The following CCND3 variants were observed in gnomAD, a reference collection of about 807,000 sequenced individuals.
CCND3 encodes the protein G1/S-specific cyclin-D3.
In CCND3, 9 loss-of-function variants were observed where a neutral mutation model predicts 28.7. The observed-to-expected ratio is 0.31, with a 90% confidence interval of 0.19 to 0.55. The LOEUF (loss-of-function observed/expected upper bound fraction) is 0.55, where lower values mean the gene tolerates loss of function less well. CCND3 is among the 20% of genes least tolerant of loss of function. The probability of loss-of-function intolerance (pLI) is 0.93; values close to 1 mark genes in which losing one functional copy is unlikely to be tolerated. For missense variants in CCND3, 315 were observed against 385.8 expected, an observed-to-expected ratio of 0.82 and a Z score of 1.54; for synonymous variants, 164 against 163.9, an observed-to-expected ratio of 1.00 and a Z score of 0.00.
At chr6:41,988,921 G>T (rs13209554) in intron 1 of CCND3, among the ~76,000 whole-genome samples, 26,383 of 150,696 alleles carry the variant, frequency 0.18, 2,534 homozygotes, top group South Asian at 0.22. Context: ...GGATGGTCTC[G>T]ATCTCCTGAC....
chr6:42,010,424 G>C (rs1763308669), intron 1 of CCND3, among the ~76,000 whole-genome samples: 1 of 152,158 alleles, frequency 6.6e-6, no homozygotes, highest in Non-Finnish European at 1.5e-5. Flanking sequence ...GCTGGGTTGG[G>C]GGAGGGAGTT....
At chr6:41,960,407 A>C (rs1478901715) in intron 1 of CCND3, among the ~76,000 whole-genome samples, 3 of 152,238 alleles carry the variant, frequency 2.0e-5, no homozygotes, top group African/African-American at 7.2e-5. Flanking sequence ...ATAACTCAAT[A>C]AAACTTTTTT....
intron 1 of CCND3, among the ~76,000 whole-genome samples, chr6:42,007,266 G>A (rs4714546): frequency 0.98 from 149,876 of 152,330 alleles, 73,776 homozygotes; most frequent in East Asian, 1. Context: ...CTGTGTTTTT[G>A]AAAATGGTTA....
chr6:42,018,530 TA>T (rs1304904120), intron 1 of CCND3: 1 of 152,166 alleles, frequency 6.6e-6, no homozygotes, highest in Admixed American at 6.6e-5. Context: ...AGGCCATTTT[TA>T]TTTAACTTGA....
chr6:42,031,155 G>T (rs996358614), intron 1 of CCND3: 1 of 152,132 alleles, frequency 6.6e-6, no homozygotes, highest in Non-Finnish European at 1.5e-5. Context: ...TTAGTTCCCC[G>T]CTACATCCTG....
intron 1 of CCND3, among the ~76,000 whole-genome samples, chr6:41,959,968 A>AG (rs2127403775): frequency 6.6e-6 from 1 of 152,010 alleles, no homozygotes; most frequent in Admixed American, 6.6e-5. Context: ...AAAAAAAAAA[A>AG]ATGGAAACAA....
At position 41,935,662 on chromosome 6, in the gene CCND3, T is replaced by G; in HGVS notation, c.*278A>C. ...GAATGCTGGTGTATGTATCCAATTC[T>G]GTCCCATCAGCCTGGCCCACCCCCA... On this transcript the variant is annotated 3_prime_UTR_variant, in exon 5 of 5. Coordinates refer to ENST00000372991, the MANE Select transcript of CCND3 (RefSeq NM_001760.5). 7.5e-6 allele frequency: 4 copies of G among 535,000 alleles called. No homozygotes were observed. Among genetic ancestry groups the G allele is most frequent in the Non-Finnish European group, 1.3e-5 (4 of 297,242 alleles). The allele number at this position is 535,000 out of a possible 1,614,324, so 33.1% of individuals were successfully genotyped here.
intron 1 of CCND3, among the ~76,000 whole-genome samples, chr6:42,028,194 G>A (rs576831624): frequency 2.6e-4 from 39 of 152,320 alleles, no homozygotes; most frequent in African/African-American, 5.3e-4. Context: ...ATGGGAATAC[G>A]GAGGACACAG....
intron 1 of CCND3, among the ~76,000 whole-genome samples, chr6:42,035,335 A>G (rs1764173481): frequency 6.6e-6 from 1 of 151,972 alleles, no homozygotes; most frequent in South Asian, 2.1e-4. Context: ...CCTTGTTTCC[A>G]TTTCTACTGG....
At chr6:42,027,388 C>T (rs953385969) in intron 1 of CCND3, among the ~76,000 whole-genome samples, 3 of 150,844 alleles carry the variant, frequency 2.0e-5, no homozygotes, top group Non-Finnish European at 4.4e-5. Flanking sequence ...TGCAGCGAGC[C>T]GAGATCGCGC....
At chr6:41,954,440 A>T (rs969979296) in intron 1 of CCND3, among the ~76,000 whole-genome samples, 45 of 150,050 alleles carry the variant, frequency 3.0e-4, no homozygotes, top group African/African-American at 1.0e-3. Context: ...AATCCCAGCC[A>T]CTCGGGAGGC....
At chr6:41,967,833 T>A (rs918397299) in intron 1 of CCND3, among the ~76,000 whole-genome samples, 10 of 152,218 alleles carry the variant, frequency 6.6e-5, no homozygotes, top group African/African-American at 2.4e-4. Flanking sequence ...AGACACACCC[T>A]GGTGGTTCTA....
At chr6:41,946,179 A>C (rs1776162699), upstream of CCND3, among the ~76,000 whole-genome samples, 1 of 152,160 alleles carries the variant, frequency 6.6e-6, no homozygotes, top group South Asian at 2.1e-4. Context: ...TGGTGATAAC[A>C]GTAGTACCCC....
intron 1 of CCND3, among the ~76,000 whole-genome samples, chr6:41,981,454 C>T (rs1762343442): frequency 1.3e-5 from 2 of 152,040 alleles, no homozygotes; most frequent in South Asian, 2.1e-4. Flanking sequence ...CCACCTGCTT[C>T]GGCCTCTGGA....
At chr6:41,979,643 CTATA>C (rs869055561) in intron 1 of CCND3, among the ~76,000 whole-genome samples, 49 of 86,670 alleles carry the variant, frequency 5.7e-4, no homozygotes, top group African/African-American at 1.7e-3. Context: ...CTCTCTCTCT[CTATA>C]TATATATATG....
intron 1 of CCND3, among the ~76,000 whole-genome samples, chr6:42,036,394 TATATATA>T (rs1764213647): frequency 6.5e-5 from 3 of 46,098 alleles, no homozygotes; most frequent in African/African-American, 1.7e-4. Flanking sequence ...TATATATATA[TATATATA>T]TATTTTTTTT....
intron 1 of CCND3, among the ~76,000 whole-genome samples, chr6:42,026,534 G>A (rs1338186392): frequency 6.6e-6 from 1 of 152,116 alleles, no homozygotes; most frequent in East Asian, 1.9e-4. Context: ...TCTCCCAGCA[G>A]GTCCCCATAG....
chr6:41,950,602 C>T (rs913184528), intron 1 of CCND3, among the ~76,000 whole-genome samples: 1 of 152,082 alleles, frequency 6.6e-6, no homozygotes, highest in African/African-American at 2.4e-5. Flanking sequence ...TAGCTGTGGT[C>T]ATTAACAATC....
chr6:41,935,819 T>C lies in CCND3; in HGVS notation c.*121A>G. The stretch of plus-strand genomic sequence containing the variant: ...ATGGGTAGGACCAGATCCCTTGGGC[T>C]TTGTGAAGGGGGAACAGACGCCCCT... On this transcript the variant is annotated 3_prime_UTR_variant, in exon 5 of 5. Transcript: ENST00000372991. The C allele has an allele frequency of 1.0e-6, 1 of 975,634 alleles. No individual in the cohort carries two copies. The highest frequency in any genetic ancestry group is 1.6e-6 in the Non-Finnish European group (1 of 637,548). 60.4% of individuals were successfully genotyped at this position (975,634 alleles called of 1,614,324 possible). A position where few individuals can be genotyped will look rare whatever the true frequency, so the allele number is the denominator to read the frequency against.
Sources: gnomAD v4.1 joint callset for allele counts (sites outside exome capture counted in the v4.1 genomes callset) on GRCh38, gnomAD v4.1.1 for gene constraint, MANE v1.5 for transcripts, NCBI Gene and HGNC (gene_info 2026-07-23, HGNC 2026-07-21) for gene names.